Variants in CDK13 observed in about 807,000 individuals in gnomAD.
CDK13 encodes cyclin dependent kinase 13.
A neutral mutation model predicts 137.6 loss-of-function variants in CDK13; 40 were observed. That is an observed-to-expected ratio of 0.29 (90% CI 0.23 to 0.38). The LOEUF is 0.38. Ranked by LOEUF, CDK13 falls within the 10% of genes least tolerant of loss-of-function variation. The pLI is 1.00. For synonymous variants in CDK13, 869 were observed against 760.1 expected, an observed-to-expected ratio of 1.14 and a Z score of -2.36; for missense variants, 1,704 against 1,951.8, an observed-to-expected ratio of 0.87 and a Z score of 2.39.
intron 5 of CDK13, among the ~76,000 whole-genome samples, chr7:40,022,276 T>C (rs1785143949): frequency 6.6e-6 from 1 of 152,222 alleles, no homozygotes; most frequent in African/African-American, 2.4e-5. Flanking sequence ...GTTTTTCTTT[T>C]CATTGCTACT....
chr7:39,965,844 C>T (rs1296689884), intron 1 of CDK13, among the ~76,000 whole-genome samples: 4 of 152,132 alleles, frequency 2.6e-5, no homozygotes, highest in Non-Finnish European at 5.9e-5. Context: ...ATTTGCTTGT[C>T]TGTTAAGGAT....
chr7:40,092,988 A>G lies in CDK13; in HGVS notation c.3439A>G (p.Thr1147Ala), dbSNP rs1562769973. The change falls in exon 13 of 14, where the codon ACA becomes GCA. Residue 1147 changes from threonine to alanine, a missense_variant. This residue lies in a region of CDK13 where 475 missense variants were observed against 579.3 expected (regional missense o/e 0.82). Coordinates refer to ENST00000181839, the MANE Select transcript of CDK13 (RefSeq NM_003718.5). ...AGGTGAAAAACAGACAGATCCATCAACACCACAACAGGAGTCTTCGAAACC... is the reference window on the plus strand; with the variant it reads ...AGGTGAAAAACAGACAGATCCATCAGCACCACAACAGGAGTCTTCGAAACC... ...ATGEKQTDPS[T>A]PQQESSKPLG... The G allele has an allele frequency of 3.1e-6, 5 of 1,614,224 alleles. No homozygotes were observed. The highest frequency in any genetic ancestry group is 1.1e-5 in the South Asian group (1 of 91,088).
intron 2 of CDK13, among the ~76,000 whole-genome samples, chr7:39,992,163 G>GGGGAGTGT (rs550297232): frequency 6.8e-6 from 1 of 146,310 alleles, no homozygotes; most frequent in African/African-American, 2.5e-5. Context: ...AACTAATGAG[G>GGGGAGTGT]GTGTGTGTGT....
intron 7 of CDK13, among the ~76,000 whole-genome samples, chr7:40,051,005 A>G (rs1785875200): frequency 1.3e-5 from 2 of 152,202 alleles, no homozygotes; most frequent in African/African-American, 4.8e-5. Flanking sequence ...TCATTTTAAA[A>G]TATAATTTGG....
At chr7:40,045,803 A>C (rs1486099203) in intron 5 of CDK13, 33 bp from the exon 6 acceptor site, 1 of 1,414,172 alleles carries the variant, frequency 7.1e-7, no homozygotes, top group Admixed American at 2.0e-5. Flanking sequence ...TGTAGGAATA[A>C]GTTTCTAATG....
chr7:39,957,113 G>A (rs1344213287), intron 1 of CDK13, among the ~76,000 whole-genome samples: 4 of 151,568 alleles, frequency 2.6e-5, no homozygotes, highest in Admixed American at 2.6e-4. Flanking sequence ...GTGTGTGTGT[G>A]TGTGTGTGTG....
intron 1 of CDK13, chr7:39,952,686 A>G (rs1335999054): frequency 6.6e-6 from 1 of 152,204 alleles, no homozygotes. Context: ...AAAGCTAAGT[A>G]GACTTTTTCT....
chr7:40,047,032 A>T (rs1366781075), intron 6 of CDK13, among the ~76,000 whole-genome samples: 1 of 151,856 alleles, frequency 6.6e-6, no homozygotes, highest in African/African-American at 2.4e-5. Flanking sequence ...AAAAAAAAAA[A>T]AAATCTAATA....
At chr7:39,966,758 C>T (rs1783881358) in intron 1 of CDK13, among the ~76,000 whole-genome samples, 1 of 152,056 alleles carries the variant, frequency 6.6e-6, no homozygotes, top group Non-Finnish European at 1.5e-5. Flanking sequence ...TACCTTTGGT[C>T]TTTGATGATG....
chr7:40,022,898 T>C (rs1279847146), intron 5 of CDK13, among the ~76,000 whole-genome samples: 1 of 151,594 alleles, frequency 6.6e-6, no homozygotes, highest in Non-Finnish European at 1.5e-5. Context: ...TGGTTTTGAA[T>C]TTCATATGAA....
chr7:39,952,717 A>G (rs533724101), intron 1 of CDK13: 14 of 152,334 alleles, frequency 9.2e-5, no homozygotes, highest in East Asian at 5.8e-4. Context: ...CCCGAAGGAT[A>G]AAAACACAAT....
intron 5 of CDK13, among the ~76,000 whole-genome samples, chr7:40,030,274 T>TAGAGAG (rs70996874): frequency 6.8e-6 from 1 of 147,444 alleles, no homozygotes. Context: ...TATATATATA[T>TAGAGAG]AGAGAGAGAG....
At chr7:40,040,057 G>GCAC (rs1469910707) in intron 5 of CDK13, among the ~76,000 whole-genome samples, 1 of 150,028 alleles carries the variant, frequency 6.7e-6, no homozygotes, top group African/African-American at 2.5e-5. Context: ...GTTCATCCAG[G>GCAC]ATGGATTGCA....
At chr7:40,007,858 A>G (rs1784824477) in intron 5 of CDK13, among the ~76,000 whole-genome samples, 2 of 152,132 alleles carry the variant, frequency 1.3e-5, no homozygotes, top group Admixed American at 1.3e-4. Flanking sequence ...TTAAATTTTG[A>G]GTAAGTGAAT....
intron 5 of CDK13, among the ~76,000 whole-genome samples, chr7:40,003,627 A>C (rs1409351343): frequency 6.6e-6 from 1 of 152,188 alleles, no homozygotes; most frequent in Admixed American, 6.5e-5. Context: ...AAGTTTGTGC[A>C]AATGCTGTTT....
intron 1 of CDK13, among the ~76,000 whole-genome samples, chr7:39,981,187 C>T (rs1219520734): frequency 2.0e-5 from 3 of 151,966 alleles, no homozygotes; most frequent in Non-Finnish European, 4.4e-5. Flanking sequence ...GACAATATGG[C>T]GAAACCCCTA....
chr7:40,018,742 G>T (rs1785053212), intron 5 of CDK13, among the ~76,000 whole-genome samples: 1 of 152,152 alleles, frequency 6.6e-6, no homozygotes, highest in Non-Finnish European at 1.5e-5. Flanking sequence ...TATAAAGGAT[G>T]CTGGAGACTC....
At chr7:40,062,428 G>C (rs1421769030) in intron 7 of CDK13, 1 of 163,704 alleles carries the variant, frequency 6.1e-6, no homozygotes, top group Non-Finnish European at 1.3e-5. Flanking sequence ...TGGGGCTATG[G>C]GCACCCGTCA....
chr7:40,039,652 G>T (rs1049487614), intron 5 of CDK13, among the ~76,000 whole-genome samples: 13 of 151,740 alleles, frequency 8.6e-5, no homozygotes, highest in African/African-American at 2.9e-4. Flanking sequence ...GGCTGGTCTC[G>T]AACTCCTGAC....
Sources: allele counts gnomAD v4.1 joint callset (sites outside exome capture counted in the v4.1 genomes callset), GRCh38; gene constraint gnomAD v4.1.1; regional missense constraint gnomAD v4.1.1; transcripts MANE v1.5; gene names NCBI Gene and HGNC (gene_info 2026-07-23, HGNC 2026-07-21).